UVRAG: variants seen among roughly 807,000 people sequenced by gnomAD.
The protein encoded by UVRAG is UV radiation resistance-associated gene protein.
Under a neutral mutation model 78.0 loss-of-function variants are expected in UVRAG, and 19 were observed. That is an observed-to-expected ratio of 0.24 (90% CI 0.17 to 0.36). The LOEUF is 0.36. UVRAG is among the 10% of genes least tolerant of loss of function. The probability of loss-of-function intolerance (pLI) is 1.00; values close to 1 mark genes in which losing one functional copy is unlikely to be tolerated. For synonymous variants in UVRAG, 323 were observed against 324.6 expected (o/e 1.00, Z 0.05); for missense variants, 740 against 853.8 (o/e 0.87, Z 1.66).
chr11:76,123,710 C>T (rs1258804481), intron 14 of UVRAG, among the ~76,000 whole-genome samples: 1 of 152,056 alleles, frequency 6.6e-6, no homozygotes, highest in Non-Finnish European at 1.5e-5. Context: ...ATATGGGTTC[C>T]AGTTTCAACG....
chr11:76,048,569 A>G (rs1950806195), intron 12 of UVRAG, among the ~76,000 whole-genome samples: 1 of 152,258 alleles, frequency 6.6e-6, no homozygotes, highest in Non-Finnish European at 1.5e-5. Flanking sequence ...ATGCTTAACA[A>G]AATGACTTAG....
chr11:75,894,172 G>A lies in UVRAG; in HGVS notation c.507+5269G>A, dbSNP rs532044773. Among the ~76,000 whole-genome samples, 46 of 152,306 alleles carry A rather than the reference G, an allele frequency of 3.0e-4. 1 individual carries two copies. The South Asian group carries it at 9.1e-3, about 30-fold the overall frequency. On this transcript the variant is annotated intron_variant, in intron 5 of 14. Coordinates refer to ENST00000356136, the MANE Select transcript of UVRAG (RefSeq NM_003369.4). ...ATGTGTTTTAAGGTGAAAGAAGCTA[G>A]GCCATTGTTATTCAAAATGTAGTCT... is the stretch of plus-strand genomic sequence containing the variant.
chr11:75,856,781 T>C (rs1483892364), intron 2 of UVRAG, among the ~76,000 whole-genome samples: 2 of 152,212 alleles, frequency 1.3e-5, no homozygotes, highest in Non-Finnish European at 2.9e-5. Context: ...TGTTGACCTT[T>C]CCTCTGAACT....
chr11:75,860,768 C>T (rs187494530), intron 2 of UVRAG, among the ~76,000 whole-genome samples: 9 of 151,500 alleles, frequency 5.9e-5, no homozygotes, highest in Admixed American at 5.3e-4. Flanking sequence ...GTTCTTTGAG[C>T]GTGCAATTTC....
chr11:76,037,715 G>C (rs1950563091), intron 12 of UVRAG, among the ~76,000 whole-genome samples: 1 of 151,966 alleles, frequency 6.6e-6, no homozygotes, highest in African/African-American at 2.4e-5. Context: ...CTGTCGCAAG[G>C]AAAGGGGTGG....
At chr11:76,126,784 G>C (rs777608782) in intron 14 of UVRAG, among the ~76,000 whole-genome samples, 1 of 152,126 alleles carries the variant, frequency 6.6e-6, no homozygotes, top group Non-Finnish European at 1.5e-5. Flanking sequence ...ATTGGAAAGC[G>C]GAAGAGGGGG....
At chr11:75,865,330 C>T (rs1172116554) in intron 3 of UVRAG, among the ~76,000 whole-genome samples, 7 of 151,668 alleles carry the variant, frequency 4.6e-5, no homozygotes, top group East Asian at 1.9e-4. Context: ...AGTGTTTTCC[C>T]CCAAATATTA....
At chr11:76,025,902 G>A (rs1243785715) in intron 12 of UVRAG, among the ~76,000 whole-genome samples, 1 of 152,008 alleles carries the variant, frequency 6.6e-6, no homozygotes, top group Non-Finnish European at 1.5e-5. Flanking sequence ...TATGACCTGC[G>A]TTTTTTATTA....
intron 14 of UVRAG, among the ~76,000 whole-genome samples, chr11:76,132,714 A>G (rs541772008): frequency 6.6e-5 from 10 of 152,342 alleles, no homozygotes; most frequent in African/African-American, 2.4e-4. Context: ...TGATGCTTAG[A>G]ATGCCTAACA....
intron 8 of UVRAG, among the ~76,000 whole-genome samples, chr11:75,989,880 A>G (rs1259202314): frequency 6.6e-6 from 1 of 152,248 alleles, no homozygotes; most frequent in Non-Finnish European, 1.5e-5. Flanking sequence ...ATTACACAGC[A>G]TGAATCTTTG....
intron 3 of UVRAG, among the ~76,000 whole-genome samples, chr11:75,877,348 C>G (rs1446881751): frequency 6.6e-6 from 1 of 152,192 alleles, no homozygotes; most frequent in Admixed American, 6.5e-5. Flanking sequence ...ATGGCCCGTT[C>G]TCAATGAGCT....
At chr11:75,878,668 G>C (rs926547104) in intron 3 of UVRAG, among the ~76,000 whole-genome samples, 1 of 152,238 alleles carries the variant, frequency 6.6e-6, no homozygotes, top group Admixed American at 6.5e-5. Context: ...AGACCAGCCC[G>C]GCTAACACAG....
At chr11:75,985,553 T>G (rs1244159835) in intron 8 of UVRAG, among the ~76,000 whole-genome samples, 1 of 152,178 alleles carries the variant, frequency 6.6e-6, no homozygotes, top group African/African-American at 2.4e-5. Context: ...TTCCATTTTA[T>G]CAGTCTTTCA....
intron 12 of UVRAG, among the ~76,000 whole-genome samples, chr11:76,052,293 G>A (rs148628731): frequency 7.2e-5 from 11 of 152,256 alleles, no homozygotes; most frequent in Admixed American, 1.3e-4. Context: ...TCATCCCCCC[G>A]GTTATGATGA....
intron 5 of UVRAG, among the ~76,000 whole-genome samples, chr11:75,907,052 G>T (rs1216692856): frequency 1.3e-5 from 2 of 152,180 alleles, no homozygotes; most frequent in African/African-American, 4.8e-5. Context: ...CTGTAAACAA[G>T]GCTGCTGGAA....
At chr11:76,137,034 G>A (rs1246290117) in intron 14 of UVRAG, among the ~76,000 whole-genome samples, 1 of 152,042 alleles carries the variant, frequency 6.6e-6, no homozygotes, top group African/African-American at 2.4e-5. Flanking sequence ...TTAAAAATCT[G>A]GAATGTAGCT....
intron 7 of UVRAG, among the ~76,000 whole-genome samples, chr11:75,972,685 A>G (rs1949148725): frequency 6.6e-6 from 1 of 152,160 alleles, no homozygotes. Context: ...GACATTGGCT[A>G]CTGTCAGTCT....
intron 5 of UVRAG, among the ~76,000 whole-genome samples, chr11:75,896,699 G>C (rs1468234106): frequency 6.6e-6 from 1 of 152,170 alleles, no homozygotes; most frequent in East Asian, 1.9e-4. Flanking sequence ...GTGAATGCTT[G>C]CTGTGTTTAG....
At chr11:75,874,371 A>G (rs1946717673) in intron 3 of UVRAG, among the ~76,000 whole-genome samples, 1 of 152,206 alleles carries the variant, frequency 6.6e-6, no homozygotes, top group African/African-American at 2.4e-5. Flanking sequence ...ACCTTAGGCA[A>G]GAAGACTCAG....
Sources: gnomAD v4.1 joint callset for allele counts (sites outside exome capture counted in the v4.1 genomes callset) on GRCh38, gnomAD v4.1.1 for gene constraint, MANE v1.5 for transcripts, NCBI Gene and HGNC (gene_info 2026-07-23, HGNC 2026-07-21) for gene names.